Variants in RNF146 observed in about 807,000 individuals in gnomAD.
The protein encoded by RNF146 is E3 ubiquitin-protein ligase RNF146.
RNF146 carries 11 observed loss-of-function variants against 29.7 expected under a neutral mutation model. That is an observed-to-expected ratio of 0.37 (90% CI 0.23 to 0.61). The LOEUF is 0.61. Among genes scored for constraint, RNF146 ranks in the 20% least tolerant of loss-of-function variants. The probability of loss-of-function intolerance (pLI) is 0.66; values close to 1 mark genes in which losing one functional copy is unlikely to be tolerated. For synonymous variants in RNF146, 150 were observed against 159.7 expected, an observed-to-expected ratio of 0.94 and a Z score of 0.46; for missense variants, 342 against 438.9, an observed-to-expected ratio of 0.78 and a Z score of 1.97.
chr6:127,278,450 A>AATCATACTTTTCTATATGTGGC, intron 1 of RNF146, among the ~76,000 whole-genome samples: 1 of 152,136 alleles, frequency 6.6e-6, no homozygotes, highest in African/African-American at 2.4e-5. Context: ...ATGTAAGTGG[A>AATCATACTTTTCTATATGTGGC]ATCATACTTT....
Position 127,286,880 on chromosome 6 carries a change from G to T in RNF146, c.267G>T (p.Leu89Phe). 1 of 1,613,234 alleles carries T rather than the reference G, an allele frequency of 6.2e-7. No homozygotes were observed. ...ATTTCCTTGACAAGCCAACCTTGTTGTCACCAGAAGAACTCAAGGCAGCAA... is the reference window on the plus strand; with the variant it reads ...ATTTCCTTGACAAGCCAACCTTGTTTTCACCAGAAGAACTCAAGGCAGCAA... ...PEDFLDKPTL[L>F]SPEELKAASR... The change falls in exon 3 of 3, where the codon TTG (leucine) becomes TTT (phenylalanine). Residue 89 changes from leucine (L) to phenylalanine (F), a missense_variant. Physicochemically the swap from Leu to Phe is conservative, Grantham distance 22 (BLOSUM62 0). Transcript: ENST00000368314. This position sits in a 1 kb window ranked among gnomAD's most constrained non-coding sequence, Gnocchi z 4.6.
In RNF146 at chr6:127,287,600, G is replaced by A. The variant is rs1053669224; in HGVS notation, c.987G>A (p.Ser329=). 5.6e-6 allele frequency: 9 copies of A among 1,612,214 alleles called. No individual in the cohort carries two copies. The highest frequency in any genetic ancestry group is 1.3e-5 in the African/African-American group (1 of 74,614). ...NQTVPDRSDR[S]GTDRSVAGGG... ...CAGTACCCGATCGATCAGATCGATC[G>A]GGAACTGATCGATCAGTAGCAGGGG... The change falls in exon 3 of 3, where the codon TCG becomes TCA. Residue 329 remains serine, a synonymous_variant. Coordinates refer to ENST00000368314, the MANE Select transcript of RNF146 (RefSeq NM_001242850.2).
chr6:127,286,454 G>T lies in RNF146; in HGVS notation c.3-162G>T, dbSNP rs985715538. The T allele has an allele frequency of 8.8e-6, 7 of 795,882 alleles. No homozygotes were observed. The highest frequency in any genetic ancestry group is 1.3e-5 in the Non-Finnish European group (7 of 523,708). The allele number at this position is 795,882 out of a possible 1,614,324, so 49.3% of individuals were successfully genotyped here. On this transcript the variant is annotated intron_variant, in intron 2 of 2. Coordinates refer to ENST00000368314, the MANE Select transcript of RNF146 (RefSeq NM_001242850.2). This position sits in a 1 kb window ranked among gnomAD's most constrained non-coding sequence, Gnocchi z 4.6. ...TAGATGCTTACAAAAAATTTTCATCGGTTGGAGAGTTTTTCCTCTACTTTC... is the reference window on the plus strand; with the variant it reads ...TAGATGCTTACAAAAAATTTTCATCTGTTGGAGAGTTTTTCCTCTACTTTC...
At chr6:127,275,994 A>G (rs1459360871) in intron 1 of RNF146, among the ~76,000 whole-genome samples, 2 of 152,028 alleles carry the variant, frequency 1.3e-5, no homozygotes, top group African/African-American at 4.8e-5. Flanking sequence ...TGCTTCACAT[A>G]TGGAAGAAAC....
rs751459015 is a variant in RNF146, at chr6:127,287,241, G to A, written c.628G>A (p.Ala210Thr). ...GGACAGTGTATCAGCACAGAGTGGA[G>A]CTTCTGTTCAGCCCCTAGTGTCTTC... is the stretch of plus-strand genomic sequence containing the variant. ...GADSVSAQSG[A>T]SVQPLVSSVR... The change falls in exon 3 of 3, where the codon GCT becomes ACT. Residue 210 changes from alanine (A) to threonine (T), a missense_variant. By Grantham distance (58) the Ala-to-Thr change is moderately conservative. This residue lies in a region of RNF146 where 196 missense variants were observed against 208.9 expected (regional missense o/e 0.94). Transcript: ENST00000368314. The A allele has an allele frequency of 9.9e-6, 16 of 1,613,360 alleles. 1 individual carries two copies. The Admixed American group carries it at 2.7e-4, about 27-fold the overall frequency.
chr6:127,282,454 T>A (rs746174935), intron 2 of RNF146: 7 of 151,728 alleles, frequency 4.6e-5, no homozygotes, highest in Non-Finnish European at 8.9e-5. Flanking sequence ...ACTAGTAAAT[T>A]CAGCTGTCAT....
rs1779631403 is a variant in RNF146, at chr6:127,287,208, G to A, written c.595G>A (p.Asp199Asn). 6.2e-7 allele frequency: 1 copy of A among 1,613,250 alleles called. No homozygotes were observed. The highest frequency in any genetic ancestry group is 1.3e-5 in the African/African-American group (1 of 74,852). The change falls in exon 3 of 3, where the codon GAC becomes AAC. Residue 199 changes from aspartate (D) to asparagine (N), a missense_variant. Asp to Asn is a conservative substitution (Grantham distance 23, BLOSUM62 1). Transcript: ENST00000368314. ...AAACCTAGCAAGAGAGAGCTCTGCTGACGGAGCGGACAGTGTATCAGCACA... is the reference window on the plus strand; with the variant it reads ...AAACCTAGCAAGAGAGAGCTCTGCTAACGGAGCGGACAGTGTATCAGCACA... ...TVNLARESSA[D>N]GADSVSAQSG... is the part of the protein sequence containing the mutation.
At chr6:127,283,160 A>C (rs1222626305) in intron 2 of RNF146, among the ~76,000 whole-genome samples, 1 of 151,752 alleles carries the variant, frequency 6.6e-6, no homozygotes, top group Non-Finnish European at 1.5e-5. Flanking sequence ...TCTGGCAGAA[A>C]TATTTCACAT....
intron 2 of RNF146, among the ~76,000 whole-genome samples, chr6:127,283,836 A>G (rs1779195421): frequency 6.6e-6 from 1 of 151,814 alleles, no homozygotes; most frequent in Non-Finnish European, 1.5e-5. Context: ...TCTGGTGTCC[A>G]TTGTTTGCAG....
rs1384134632 is a variant in RNF146, at chr6:127,288,308, TTTTC to T, written c.*619_*622del. On this transcript the variant is annotated 3_prime_UTR_variant, in exon 3 of 3. Coordinates refer to ENST00000368314, the MANE Select transcript of RNF146 (RefSeq NM_001242850.2). ...AGTTTGAGGTTTTTTTGGTCTGCAT[TTTTC>T]TTTTTGATTACAAAATTTATAATTT... 2 of 166,862 alleles carry T rather than the reference TTTTC, an allele frequency of 1.2e-5. No individual in the cohort carries two copies. Among genetic ancestry groups the T allele is most frequent in the Non-Finnish European group, 2.9e-5 (2 of 68,058 alleles). 10.3% of individuals were successfully genotyped at this position (166,862 alleles called of 1,614,324 possible).
Position 127,287,386 on chromosome 6 carries a change from C to T in RNF146, c.773C>T (p.Ala258Val), listed in dbSNP as rs1400120816. The T allele has an allele frequency of 6.2e-7, 1 of 1,613,432 alleles. No individual in the cohort carries two copies. The highest frequency in any genetic ancestry group is 1.1e-5 in the South Asian group (1 of 91,070). Reference protein sequence around the residue: ...AHLQLSGDNTAERSHRGEGEE... With the variant: ...AHLQLSGDNTVERSHRGEGEE... ...TTACAACTCAGTGGAGACAACACAG[C>T]TGAAAGGAGTCATAGGGGAGAAGGA... The change falls in exon 3 of 3, where the codon GCT becomes GTT. Residue 258 changes from alanine to valine, a missense_variant. Physicochemically the swap from Ala to Val is moderately conservative, Grantham distance 64. Around this residue, in one of 6 missense-constraint regions of RNF146, gnomAD observed 196 missense variants for 208.9 expected, o/e 0.94. Transcript: ENST00000368314.
At position 127,287,477 on chromosome 6, in the gene RNF146, T is replaced by C; in HGVS notation, c.864T>C (p.Thr288=). 1 of 1,613,376 alleles carries C rather than the reference T, an allele frequency of 6.2e-7. No homozygotes were observed. The highest frequency in any genetic ancestry group is 1.1e-5 in the South Asian group (1 of 91,070). ...CACCAGACACCTCCATTGAAGAAACTGAATCAGATGCCAGTAGTGATAGTG... is the reference window on the plus strand; with the variant it reads ...CACCAGACACCTCCATTGAAGAAACCGAATCAGATGCCAGTAGTGATAGTG... ...VPAPDTSIEE[T]ESDASSDSED... is the part of the protein sequence containing the mutation. Residue 288 remains threonine, a synonymous_variant, in exon 3 of 3, where the codon ACT becomes ACC. Transcript: ENST00000368314.
At chr6:127,275,332 T>C (rs1464914941) in intron 1 of RNF146, among the ~76,000 whole-genome samples, 2 of 152,184 alleles carry the variant, frequency 1.3e-5, no homozygotes, top group Admixed American at 6.5e-5. Flanking sequence ...TTTTAAGTTA[T>C]ATAAAGCAAG....
rs923193844 is a variant in RNF146 at position 127,271,901 on chromosome 6, C to T, written c.-109+4976C>T. Among the ~76,000 whole-genome samples the T allele has an allele frequency of 2.6e-5, 4 of 152,252 alleles. No homozygotes were observed. In the South Asian group the frequency reaches 8.3e-4, roughly 32 times the overall value. On this transcript the variant is annotated intron_variant, in intron 1 of 2. Transcript: ENST00000368314. ...AGGCTCAAGCCATCCTCCTGTGTCA[C>T]TACCCACAAAGTGCTAGGATTACAG...
Position 127,286,313 on chromosome 6 carries a change from CCTTTT to C in RNF146, c.3-301_3-297del, listed in dbSNP as rs796662016. On this transcript the variant is annotated intron_variant, in intron 2 of 2. Coordinates refer to ENST00000368314, the MANE Select transcript of RNF146 (RefSeq NM_001242850.2). This position sits in a 1 kb window ranked among gnomAD's most constrained non-coding sequence, Gnocchi z 4.6. ...TAATAGCTGCCATGATTCAAGGTAT[CCTTTT>C]CCCCTCACTGGATGCAGCTTTTCAT... 159 of 677,760 alleles carry C rather than the reference CCTTTT, an allele frequency of 2.3e-4. 1 individual carries two copies. The African/African-American group carries it at 2.8e-3, about 12-fold the overall frequency. 42.0% of individuals were successfully genotyped at this position (677,760 alleles called of 1,614,324 possible). A position where few individuals can be genotyped will look rare whatever the true frequency, so the allele number is the denominator to read the frequency against.
intron 1 of RNF146, among the ~76,000 whole-genome samples, chr6:127,267,338 C>T (rs1379938927): frequency 6.6e-6 from 1 of 152,198 alleles, no homozygotes; most frequent in Non-Finnish European, 1.5e-5. Flanking sequence ...TCCGCCTGAG[C>T]CCGCTTCGCT....
intron 1 of RNF146, among the ~76,000 whole-genome samples, chr6:127,276,492 G>T (rs1778228993): frequency 6.6e-6 from 1 of 151,934 alleles, no homozygotes; most frequent in African/African-American, 2.4e-5. Context: ...CAGAAATGGG[G>T]GTTTGTAAAA....
chr6:127,280,563 G>A, intron 2 of RNF146: 1 of 1,222,302 alleles, frequency 8.2e-7, no homozygotes, highest in Non-Finnish European at 1.0e-6. Flanking sequence ...AAAAACTGAA[G>A]ACACAGGAGT....
At chr6:127,268,969 A>G (rs527855006) in intron 1 of RNF146, among the ~76,000 whole-genome samples, 12 of 152,330 alleles carry the variant, frequency 7.9e-5, no homozygotes, top group South Asian at 4.1e-4. Flanking sequence ...TGTTAACCAT[A>G]TACTACCAGG....
Sources: gnomAD v4.1 joint callset for allele counts (sites outside exome capture counted in the v4.1 genomes callset) on GRCh38, gnomAD v4.1.1 for gene constraint, gnomAD v4.1.1 regional missense constraint, Gnocchi (gnomAD v3.1) non-coding constraint, MANE v1.5 for transcripts, NCBI Gene and HGNC (gene_info 2026-07-23, HGNC 2026-07-21) for gene names.